BAZ1B: variants seen among roughly 807,000 people sequenced by gnomAD.
BAZ1B encodes the protein tyrosine-protein kinase BAZ1B.
Under a neutral mutation model 153.8 loss-of-function variants are expected in BAZ1B, and 22 were observed. That is an observed-to-expected ratio of 0.14 (90% CI 0.10 to 0.20). BAZ1B has a LOEUF of 0.20. Among genes scored for constraint, BAZ1B ranks in the 10% least tolerant of loss-of-function variants. The pLI is 1.00. For missense variants in BAZ1B, 1,325 were observed against 1,799.3 expected, an observed-to-expected ratio of 0.74 and a Z score of 4.77; for synonymous variants, 676 against 633.4, an observed-to-expected ratio of 1.07 and a Z score of -1.01.
intron 6 of BAZ1B, among the ~76,000 whole-genome samples, chr7:73,485,315 C>T (rs782307586): frequency 1.5e-4 from 23 of 152,094 alleles, no homozygotes; most frequent in African/African-American, 2.9e-4. Context: ...AAAAATAATT[C>T]GTGTGTATAT....
chr7:73,511,731 T>TCCA (rs1790586236), intron 1 of BAZ1B, among the ~76,000 whole-genome samples: 2 of 151,452 alleles, frequency 1.3e-5, no homozygotes, highest in African/African-American at 4.9e-5. Flanking sequence ...TAAGAGTCAG[T>TCCA]CCACCACTGC....
At chr7:73,461,754 G>A (rs782392868) in intron 12 of BAZ1B, among the ~76,000 whole-genome samples, 3 of 152,144 alleles carry the variant, frequency 2.0e-5, no homozygotes, top group African/African-American at 4.8e-5. Context: ...TGGCATGGGG[G>A]AATGCAAATG....
At chr7:73,478,724 A>G (rs1789088006) in intron 6 of BAZ1B, among the ~76,000 whole-genome samples, 155 bp from the exon 7 acceptor site, 1 of 152,264 alleles carries the variant, frequency 6.6e-6, no homozygotes, top group African/African-American at 2.4e-5. Flanking sequence ...AAACAAAGAC[A>G]TGAATGTTAG....
chr7:73,508,411 G>A lies in BAZ1B; in HGVS notation c.285C>T (p.Asn95=), dbSNP rs1554578109. The A allele has an allele frequency of 1.2e-6, 2 of 1,613,768 alleles. No individual in the cohort carries two copies. The highest frequency in any genetic ancestry group is 1.3e-5 in the African/African-American group (1 of 74,908). Residue 95 remains asparagine, a synonymous_variant, in exon 3 of 20, where the codon AAC becomes AAT. Transcript: ENST00000339594. ...EKLVLEMVHH[N]TASLEKLVDT... ...CTACTAACTTCTCTAAGGAGGCTGT[G>A]TTATGGTGAACCATTTCCAGAACAA...
chr7:73,452,632 G>A (rs1788059942), intron 13 of BAZ1B, among the ~76,000 whole-genome samples: 2 of 151,104 alleles, frequency 1.3e-5, no homozygotes, highest in South Asian at 4.2e-4. Flanking sequence ...TGAGGCAGGA[G>A]AATTGCTTGA....
rs1583887300 is a variant in BAZ1B at position 73,451,076 on chromosome 7, G to A, written c.3433-82C>T. The stretch of plus-strand genomic sequence containing the variant: ...GAACTAGGAACAGGGGACAGTATGA[G>A]AGAATTCTGAGGACACTTGCCTCCT... On this transcript the variant is annotated intron_variant, in intron 13 of 19. Transcript: ENST00000339594. 8 of 1,502,082 alleles carry A rather than the reference G, an allele frequency of 5.3e-6. No homozygotes were observed. The East Asian group carries it at 1.6e-4, about 30-fold the overall frequency. 93.0% of individuals were successfully genotyped at this position (1,502,082 alleles called of 1,614,324 possible).
At chr7:73,471,245 C>T (rs1788794090) in intron 7 of BAZ1B, among the ~76,000 whole-genome samples, 1 of 152,118 alleles carries the variant, frequency 6.6e-6, no homozygotes, top group Non-Finnish European at 1.5e-5. Context: ...GCCCTGATGA[C>T]AAGAAAACAA....
chr7:73,517,002 T>G (rs1396175809), intron 1 of BAZ1B, among the ~76,000 whole-genome samples: 1 of 149,750 alleles, frequency 6.7e-6, no homozygotes, highest in Non-Finnish European at 1.5e-5. Flanking sequence ...GCCAACGTGG[T>G]AAAACCCCAT....
chr7:73,469,508 T>A lies in BAZ1B; in HGVS notation c.2866+9A>T. 1.2e-6 allele frequency: 2 copies of A among 1,614,148 alleles called. No individual in the cohort carries two copies. Among genetic ancestry groups the A allele is most frequent in the Non-Finnish European group, 8.5e-7 (1 of 1,179,992 alleles). ...GTGAAATAACTCTTAGATATACAGA[T>A]ATACTCACTGCGAGGACAGTAATCC... On this transcript the variant is annotated intron_variant, in intron 9 of 19. Transcript: ENST00000339594.
At chr7:73,507,190 C>T (rs1790379006) in intron 3 of BAZ1B, 1 of 151,982 alleles carries the variant, frequency 6.6e-6, no homozygotes, top group Non-Finnish European at 1.5e-5. Flanking sequence ...CAAGTCTTTT[C>T]AACATAGTAA....
intron 5 of BAZ1B, among the ~76,000 whole-genome samples, chr7:73,491,704 T>A (rs2116386974): frequency 6.6e-6 from 1 of 152,292 alleles, no homozygotes; most frequent in South Asian, 2.1e-4. Flanking sequence ...TTGTCAGCAT[T>A]CTGAGGCAGG....
At chr7:73,458,875 G>C (rs1231520842) in intron 13 of BAZ1B, among the ~76,000 whole-genome samples, 1 of 152,018 alleles carries the variant, frequency 6.6e-6, no homozygotes, top group Admixed American at 6.6e-5. Flanking sequence ...GCTTACACAA[G>C]AGCAAAACCC....
At chr7:73,509,298 G>A (rs566051813) in intron 2 of BAZ1B, among the ~76,000 whole-genome samples, 1 of 152,288 alleles carries the variant, frequency 6.6e-6, no homozygotes, top group East Asian at 1.9e-4. Context: ...CTCCAGCCTG[G>A]GCAACAGAGA....
chr7:73,475,940 AAAT>A (rs1403788325), intron 7 of BAZ1B, among the ~76,000 whole-genome samples: 4 of 151,922 alleles, frequency 2.6e-5, no homozygotes, highest in African/African-American at 9.7e-5. Flanking sequence ...AAAAAAAAAA[AAAT>A]GTTTTAGAAC....
chr7:73,517,372 T>C (rs1403405550), intron 1 of BAZ1B, among the ~76,000 whole-genome samples: 2 of 151,946 alleles, frequency 1.3e-5, no homozygotes, highest in East Asian at 1.9e-4. Flanking sequence ...TGTGCACCTA[T>C]GGTTATAGCT....
intron 9 of BAZ1B, among the ~76,000 whole-genome samples, chr7:73,469,193 T>A (rs1788706060): frequency 6.7e-6 from 1 of 150,142 alleles, no homozygotes; most frequent in South Asian, 2.1e-4. Flanking sequence ...TTAGACCCCA[T>A]ACCTCAATTT....
At position 73,478,458 on chromosome 7, in the gene BAZ1B, T is replaced by G. The variant is rs782170768; in HGVS notation, c.1003A>C (p.Lys335Gln). Reference sequence around the variant, plus strand: ...TTCAAGTGTACGTGACACCATAACTTAGGATTTAGTGGTGAACTAAGAGAA... The same window carrying G: ...TTCAAGTGTACGTGACACCATAACTGAGGATTTAGTGGTGAACTAAGAGAA... Reference protein sequence around the residue: ...NSSLSSPLNPKLWCHVHLKKS... With the variant: ...NSSLSSPLNPQLWCHVHLKKS... The change falls in exon 7 of 20, where the codon AAG becomes CAG. Residue 335 changes from lysine (K) to glutamine (Q), a missense_variant. By Grantham distance (53) the Lys-to-Gln change is moderately conservative (BLOSUM62 1). This residue lies in a region of BAZ1B where 219 missense variants were observed against 248.2 expected (regional missense o/e 0.88). Transcript: ENST00000339594. The G allele has an allele frequency of 3.1e-5, 50 of 1,612,088 alleles. No individual in the cohort carries two copies. Among genetic ancestry groups the G allele is most frequent in the Admixed American group, 3.4e-5 (2 of 59,552 alleles).
At chr7:73,448,944 G>A (rs888146004) in intron 15 of BAZ1B, among the ~76,000 whole-genome samples, 2 of 152,146 alleles carry the variant, frequency 1.3e-5, no homozygotes, top group Non-Finnish European at 2.9e-5. Context: ...GGGAGAAGAC[G>A]TGATATAAGA....
chr7:73,485,814 TA>T (rs1340572124), intron 6 of BAZ1B, among the ~76,000 whole-genome samples: 1 of 152,156 alleles, frequency 6.6e-6, no homozygotes, highest in East Asian at 1.9e-4. Context: ...CCAAATGCCT[TA>T]AAGTATTATT....
Sources: gnomAD v4.1 joint callset for allele counts (sites outside exome capture counted in the v4.1 genomes callset) on GRCh38, gnomAD v4.1.1 for gene constraint, gnomAD v4.1.1 regional missense constraint, MANE v1.5 for transcripts, NCBI Gene and HGNC (gene_info 2026-07-23, HGNC 2026-07-21) for gene names.